Variants in ZFYVE26 observed in about 807,000 individuals in gnomAD.
The protein encoded by ZFYVE26 is zinc finger FYVE domain-containing protein 26.
A neutral mutation model predicts 276.5 loss-of-function variants in ZFYVE26; 181 were observed. That is an observed-to-expected ratio of 0.65 (90% CI 0.58 to 0.74). The LOEUF is 0.74. ZFYVE26 is among the 30% of genes least tolerant of loss of function. The pLI, the probability that ZFYVE26 is intolerant of heterozygous loss-of-function variation, is 0.00. For missense variants in ZFYVE26, 2,821 were observed against 3,097.9 expected (o/e 0.91, Z 2.12); for synonymous variants, 1,129 against 1,203.1 (o/e 0.94, Z 1.27).
intron 26 of ZFYVE26, 117 bp from the exon 27 acceptor site, chr14:67,775,231 A>G: frequency 1.4e-6 from 1 of 694,074 alleles, no homozygotes. Flanking sequence ...CCATGACTCT[A>G]CTAGGTATTA....
intron 13 of ZFYVE26, among the ~76,000 whole-genome samples, chr14:67,731,207 CTTTTTTTTTTTTT>C (rs71129853): frequency 2.2e-5 from 2 of 90,612 alleles, no homozygotes; most frequent in South Asian, 4.6e-4. Context: ...TTCTTTCTTT[CTTTTTTTTTTTTT>C]TTTTTTTTTT....
Position 67,790,709 on chromosome 14 carries a change from T to C in ZFYVE26, c.2618A>G (p.Tyr873Cys). Residue 873 changes from tyrosine (Y) to cysteine (C), a missense_variant, in exon 15 of 42, where the codon TAC (tyrosine) becomes TGC (cysteine). Tyr to Cys is a radical substitution (Grantham distance 194). Transcript: ENST00000347230. ...SSGELMFMER[Y>C]QEVIQELAQV... is the part of the protein sequence containing the mutation. ...GGCCAGTTCTTGGATCACTTCCTGG[T>C]AGCGCTCCATGAACATCAGTTCCCC... The C allele has an allele frequency of 1.9e-6, 3 of 1,614,204 alleles. No individual in the cohort carries two copies. The highest frequency in any genetic ancestry group is 1.7e-6 in the Non-Finnish European group (2 of 1,180,022).
At chr14:67,814,520 A>AAAAC (rs201267729) in intron 2 of ZFYVE26, among the ~76,000 whole-genome samples, 15,131 of 151,038 alleles carry the variant, frequency 0.1, 1,482 homozygotes, top group African/African-American at 0.25. Context: ...CTCTGTCTCC[A>AAAAC]AAACAAACAA....
Position 67,783,431 on chromosome 14 carries a change from G to A in ZFYVE26, c.3721C>T (p.Arg1241Trp), listed in dbSNP as rs764741511. 5.6e-6 allele frequency: 9 copies of A among 1,614,180 alleles called. No homozygotes were observed. The highest frequency in any genetic ancestry group is 5.9e-6 in the Non-Finnish European group (7 of 1,180,030). ...AGGGAGGAGGTCTGCTGGCTTTGCC[G>A]GGATGAGCAAAGAGCAAGGGGCTCA... ...CCEPLALCSS[R>W]QSQQTSSLLT... The change falls in exon 21 of 42, where the codon CGG becomes TGG. Residue 1241 changes from arginine (R) to tryptophan (W), a missense_variant. By Grantham distance (101) the Arg-to-Trp change is moderately radical (BLOSUM62 -3). Coordinates refer to ENST00000347230, the MANE Select transcript of ZFYVE26 (RefSeq NM_015346.4).
At position 67,756,149 on chromosome 14, in the gene ZFYVE26, G is replaced by T. The variant is rs2140185599; in HGVS notation, c.6589-4C>A. The T allele has an allele frequency of 6.2e-7, 1 of 1,614,010 alleles. No individual in the cohort carries two copies. Among genetic ancestry groups the T allele is most frequent in the Non-Finnish European group, 8.5e-7 (1 of 1,179,902 alleles). On this transcript the variant is annotated splice_polypyrimidine_tract_variant and splice_region_variant and intron_variant, in intron 35 of 41. Transcript: ENST00000347230. ...TAAAAACTTCTGGAGGACTCTCCTG[G>T]AGCAGGGCAGGGCGAGAAGTCAGAA...
intron 40 of ZFYVE26, 57 bp downstream of exon 40, chr14:67,752,287 G>C: frequency 6.5e-7 from 1 of 1,546,986 alleles, no homozygotes; most frequent in Non-Finnish European, 8.8e-7. Flanking sequence ...AATAAAGATG[G>C]GGATGTGAAG....
intron 8 of ZFYVE26, 43 bp from the exon 9 acceptor site, chr14:67,804,307 T>C (rs1566896073): frequency 3.7e-6 from 6 of 1,606,872 alleles, no homozygotes; most frequent in Non-Finnish European, 5.1e-6. Flanking sequence ...GCAGTTTATA[T>C]TATTGCTCGA....
chr14:67,809,159 A>G, intron 4 of ZFYVE26, 41 bp downstream of exon 4: 1 of 1,551,708 alleles, frequency 6.4e-7, no homozygotes, highest in Non-Finnish European at 8.9e-7. Context: ...TGCTTAAGTG[A>G]CTGTCAACCC....
rs1336959045 is a variant in ZFYVE26, at chr14:67,793,768, A to T, written c.2402-9T>A. 6.2e-7 allele frequency: 1 copy of T among 1,613,704 alleles called. No individual in the cohort carries two copies. The highest frequency in any genetic ancestry group is 2.2e-5 in the East Asian group (1 of 44,848). On this transcript the variant is annotated splice_polypyrimidine_tract_variant and intron_variant, in intron 13 of 41. Coordinates refer to ENST00000347230, the MANE Select transcript of ZFYVE26 (RefSeq NM_015346.4). ...GGCACTCAGACTTCCCTCTGTTGGG[A>T]CACAAGAATGTGTGGGGCCAGAGAA...
intron 4 of ZFYVE26, among the ~76,000 whole-genome samples, chr14:67,808,316 A>G (rs1704695067): frequency 6.6e-6 from 1 of 152,186 alleles, no homozygotes; most frequent in African/African-American, 2.4e-5. Flanking sequence ...AGGCATTTAC[A>G]TTCAATTTTT....
chr14:67,781,291 G>A (rs764831951), intron 22 of ZFYVE26, 42 bp downstream of exon 22: 1 of 1,606,794 alleles, frequency 6.2e-7, no homozygotes, highest in South Asian at 1.1e-5. Flanking sequence ...TGATCATAGA[G>A]TGAGAAGCCC....
In ZFYVE26 at chr14:67,766,387, C is replaced by T. The variant is rs1455488925; in HGVS notation, c.5851G>A (p.Gly1951Ser). Residue 1951 changes from glycine to serine, a missense_variant, in exon 32 of 42, where the codon GGT becomes AGT. Transcript: ENST00000347230. ...CAGCAGTGCTCAATCAGCTGGTGAC[C>T]ACAGGCAATGCTGTCCCGGTGCAGA... ...LNLHRDSIAC[G>S]HQLIEHCCRL... is the part of the protein sequence containing the mutation. 1.9e-6 allele frequency: 3 copies of T among 1,612,712 alleles called. No homozygotes were observed. The South Asian group carries it at 3.3e-5, about 18-fold the overall frequency.
At chr14:67,748,720 G>A in intron 41 of ZFYVE26, 81 bp from the exon 42 acceptor site, 1 of 1,478,424 alleles carries the variant, frequency 6.8e-7, no homozygotes, top group Admixed American at 1.9e-5. Flanking sequence ...AGAAAGCTCG[G>A]GCAGACAGAC....
Position 67,790,288 on chromosome 14 carries a change from T to G in ZFYVE26, c.2755+284A>C, listed in dbSNP as rs7143559. 0.076 allele frequency among the ~76,000 whole-genome samples: 11,579 copies of G among 152,276 alleles called. 651 individuals carry two copies. Among genetic ancestry groups the G allele is most frequent in the Non-Finnish European group, 0.12 (8,251 of 68,010 alleles). ...AACCATTTCCTGAAGCCAGAGACAG[T>G]GGCCATCAAAACACAGGTTAAAAAC... On this transcript the variant is annotated intron_variant, in intron 15 of 41. Coordinates refer to ENST00000347230, the MANE Select transcript of ZFYVE26 (RefSeq NM_015346.4).
At chr14:67,769,445 C>T (rs1038776609) in intron 29 of ZFYVE26, 149 bp downstream of exon 29, 6 of 1,210,552 alleles carry the variant, frequency 5.0e-6, no homozygotes, top group Admixed American at 4.0e-5. Context: ...GTGTACAAAC[C>T]CTTCAGTGTA....
chr14:67,732,559 A>C (rs890206255), intron 13 of ZFYVE26, among the ~76,000 whole-genome samples: 6 of 148,508 alleles, frequency 4.0e-5, no homozygotes, highest in Non-Finnish European at 7.4e-5. Context: ...AAGACTGTAC[A>C]GAAAGCAACT....
At chr14:67,770,156 A>G (rs1335988532) in intron 28 of ZFYVE26, 1 of 280,964 alleles carries the variant, frequency 3.6e-6, no homozygotes, top group Non-Finnish European at 6.9e-6. Flanking sequence ...TTTGTAACAC[A>G]TGATAAACAT....
chr14:67,815,614 A>G, intron 2 of ZFYVE26, 156 bp downstream of exon 2: 1 of 754,048 alleles, frequency 1.3e-6, no homozygotes. Context: ...TAATGGATGT[A>G]TACTATAGAG....
chr14:67,739,740 AG>A (rs2038393367), intron 13 of ZFYVE26, among the ~76,000 whole-genome samples: 3 of 152,176 alleles, frequency 2.0e-5, no homozygotes. Flanking sequence ...GAATCCTAAT[AG>A]TCCTGGCACA....
Sources: gnomAD v4.1 joint callset for allele counts (sites outside exome capture counted in the v4.1 genomes callset) on GRCh38, gnomAD v4.1.1 for gene constraint, MANE v1.5 for transcripts, NCBI Gene and HGNC (gene_info 2026-07-23, HGNC 2026-07-21) for gene names.